RASGRF2: variants seen among roughly 807,000 people sequenced by gnomAD.
RASGRF2 encodes ras-specific guanine nucleotide-releasing factor 2.
A neutral mutation model predicts 151.0 loss-of-function variants in RASGRF2; 76 were observed. That is an observed-to-expected ratio of 0.50 (90% CI 0.42 to 0.61). RASGRF2 has a LOEUF of 0.61. Ranked by LOEUF, RASGRF2 falls within the 20% of genes least tolerant of loss-of-function variation. RASGRF2 has a pLI of 0.00. For missense variants in RASGRF2, 1,148 were observed against 1,564.6 expected, an observed-to-expected ratio of 0.73 and a Z score of 4.49; for synonymous variants, 504 against 566.5, an observed-to-expected ratio of 0.89 and a Z score of 1.57.
At chr5:81,060,190 A>G (rs188062883) in intron 2 of RASGRF2, among the ~76,000 whole-genome samples, 17 of 152,292 alleles carry the variant, frequency 1.1e-4, no homozygotes, top group Non-Finnish European at 2.1e-4. Context: ...CCCACCTCCA[A>G]CACTGGAGAT....
intron 2 of RASGRF2, among the ~76,000 whole-genome samples, chr5:81,066,544 G>A (rs1024043961): frequency 6.6e-6 from 1 of 152,114 alleles, no homozygotes; most frequent in African/African-American, 2.4e-5. Context: ...TGAGGGCCTG[G>A]CACCAGGAAC....
At chr5:80,993,791 G>C (rs1240836248) in intron 1 of RASGRF2, among the ~76,000 whole-genome samples, 1 of 152,138 alleles carries the variant, frequency 6.6e-6, no homozygotes, top group Middle Eastern at 3.2e-3. Flanking sequence ...AGGGAGTTGA[G>C]CTGGAGAGAT....
At chr5:80,990,573 A>T (rs771013143) in intron 1 of RASGRF2, among the ~76,000 whole-genome samples, 1 of 151,166 alleles carries the variant, frequency 6.6e-6, no homozygotes, top group East Asian at 1.9e-4. Context: ...TTGTGGCAGG[A>T]GCCCTGTTAT....
At chr5:81,118,312 C>T (rs1753214975) in intron 15 of RASGRF2, among the ~76,000 whole-genome samples, 2 of 152,230 alleles carry the variant, frequency 1.3e-5, no homozygotes, top group Non-Finnish European at 2.9e-5. Flanking sequence ...CACATGGATG[C>T]CACCAGTGCT....
intron 15 of RASGRF2, among the ~76,000 whole-genome samples, chr5:81,122,063 G>A (rs1257686697): frequency 1.3e-5 from 2 of 152,176 alleles, no homozygotes; most frequent in Non-Finnish European, 2.9e-5. Flanking sequence ...AAGTGAATAT[G>A]CCAGAAGGAA....
intron 19 of RASGRF2, among the ~76,000 whole-genome samples, chr5:81,206,567 T>G (rs1755512099): frequency 6.6e-6 from 1 of 152,208 alleles, no homozygotes; most frequent in African/African-American, 2.4e-5. Flanking sequence ...CAGCTCACCC[T>G]CAGACTCACT....
chr5:81,205,007 A>C (rs747966985), intron 19 of RASGRF2, among the ~76,000 whole-genome samples: 8 of 152,254 alleles, frequency 5.3e-5, no homozygotes, highest in Non-Finnish European at 1.0e-4. Context: ...AGAATGGTGG[A>C]AAAGATGATG....
At chr5:80,977,927 G>A (rs1748178523) in intron 1 of RASGRF2, among the ~76,000 whole-genome samples, 1 of 152,188 alleles carries the variant, frequency 6.6e-6, no homozygotes, top group South Asian at 2.1e-4. Flanking sequence ...ATGTTTATGA[G>A]TCTGGGGTTT....
intron 15 of RASGRF2, among the ~76,000 whole-genome samples, chr5:81,116,032 G>A (rs530995215): frequency 2.7e-5 from 4 of 145,806 alleles, no homozygotes; most frequent in Admixed American, 2.1e-4. Context: ...ATAAGTAAAG[G>A]TGTGGTGGTA....
At chr5:81,055,427 G>A (rs1461398985) in intron 2 of RASGRF2, among the ~76,000 whole-genome samples, 1 of 152,128 alleles carries the variant, frequency 6.6e-6, no homozygotes, top group Non-Finnish European at 1.5e-5. Flanking sequence ...GCTGGATTAC[G>A]TTTATTGATT....
intron 17 of RASGRF2, among the ~76,000 whole-genome samples, chr5:81,149,087 T>C (rs184876652): frequency 6.6e-6 from 1 of 152,272 alleles, no homozygotes; most frequent in East Asian, 1.9e-4. Context: ...GTATAGAGAT[T>C]CCTTAAAGAA....
At chr5:81,167,895 C>G (rs1437060389) in intron 17 of RASGRF2, among the ~76,000 whole-genome samples, 1 of 152,180 alleles carries the variant, frequency 6.6e-6, no homozygotes, top group East Asian at 1.9e-4. Context: ...GACTTCAGAT[C>G]TTAAATGGAT....
intron 23 of RASGRF2, among the ~76,000 whole-genome samples, chr5:81,213,345 AG>A (rs902114763): frequency 4.8e-4 from 63 of 129,982 alleles, no homozygotes; most frequent in African/African-American, 1.6e-3. Flanking sequence ...CTCAGGGGCG[AG>A]GGGGAAAGGG....
At chr5:81,189,850 T>C (rs1390026919) in intron 18 of RASGRF2, among the ~76,000 whole-genome samples, 2 of 151,982 alleles carry the variant, frequency 1.3e-5, no homozygotes, top group African/African-American at 2.4e-5. Context: ...TAGCTGGGAT[T>C]ACAGGCATGC....
intron 1 of RASGRF2, among the ~76,000 whole-genome samples, chr5:80,974,623 A>G (rs112436927): frequency 7.6e-4 from 115 of 152,218 alleles, no homozygotes; most frequent in African/African-American, 2.6e-3. Context: ...GACCAGCTCT[A>G]TTCTTCAGTA....
intron 15 of RASGRF2, among the ~76,000 whole-genome samples, chr5:81,114,167 A>G (rs750686174): frequency 9.2e-5 from 14 of 152,216 alleles, no homozygotes; most frequent in Non-Finnish European, 1.8e-4. Context: ...TCAGTTGTCT[A>G]TGGGAGAATA....
At position 81,056,042 on chromosome 5, in the gene RASGRF2, T is replaced by C. The variant is rs533215023; in HGVS notation, c.396-11990T>C. ...TTTTCTTCTTTATTAGTCTTGCTAG[T>C]GGTCTATCAATTTTGTTGATCTTTT... On this transcript the variant is annotated intron_variant, in intron 2 of 26. Coordinates refer to ENST00000265080, the MANE Select transcript of RASGRF2 (RefSeq NM_006909.3). Among the ~76,000 whole-genome samples the C allele has an allele frequency of 5.9e-3, 893 of 152,240 alleles. 7 individuals carry two copies. The highest frequency in any genetic ancestry group is 0.018 in the African/African-American group (748 of 41,544).
intron 25 of RASGRF2, among the ~76,000 whole-genome samples, chr5:81,218,321 A>G (rs979844386): frequency 6.6e-6 from 1 of 152,154 alleles, no homozygotes; most frequent in African/African-American, 2.4e-5. Flanking sequence ...TAGAATTTTT[A>G]TAGTTTCAGG....
At chr5:81,212,150 A>G (rs1755642571) in intron 22 of RASGRF2, among the ~76,000 whole-genome samples, 1 of 152,224 alleles carries the variant, frequency 6.6e-6, no homozygotes, top group Non-Finnish European at 1.5e-5. Context: ...GAATCCAGAT[A>G]ACCCCTGTGT....
Sources: gnomAD v4.1 joint callset for allele counts (sites outside exome capture counted in the v4.1 genomes callset) on GRCh38, gnomAD v4.1.1 for gene constraint, MANE v1.5 for transcripts, NCBI Gene and HGNC (gene_info 2026-07-23, HGNC 2026-07-21) for gene names.